The following ITGB1 variants were observed in gnomAD, a reference collection of about 807,000 sequenced individuals.
The protein encoded by ITGB1 is integrin subunit beta 1.
A neutral mutation model predicts 86.5 loss-of-function variants in ITGB1; 24 were observed. The ratio of observed to expected loss-of-function variants is 0.28; its 90% CI spans 0.20 to 0.39. The LOEUF (loss-of-function observed/expected upper bound fraction) is 0.39, where lower values mean the gene tolerates loss of function less well. Among genes scored for constraint, ITGB1 ranks in the 10% least tolerant of loss-of-function variants. The pLI, the probability that ITGB1 is intolerant of heterozygous loss-of-function variation, is 1.00. For missense variants in ITGB1, 556 were observed against 946.9 expected, an observed-to-expected ratio of 0.59 and a Z score of 5.42; for synonymous variants, 323 against 316.8, an observed-to-expected ratio of 1.02 and a Z score of -0.21.
In ITGB1 at chr10:32,922,268, C is replaced by A; in HGVS notation, c.1117G>T (p.Asp373Tyr). 1 of 1,594,090 alleles carries A rather than the reference C, an allele frequency of 6.3e-7. No individual in the cohort carries two copies. Among genetic ancestry groups the A allele is most frequent in the South Asian group, 1.1e-5 (1 of 90,028 alleles). The change falls in exon 9 of 16, where the codon GAT becomes TAT. Residue 373 changes from aspartate (D) to tyrosine (Y), a missense_variant. Transcript: ENST00000302278. ...TAAGATGTACTCACATTGTATGCATCAATGATCAACTGAATTACATTGCTA... is the reference window on the plus strand; with the variant it reads ...TAAGATGTACTCACATTGTATGCATAAATGATCAACTGAATTACATTGCTA... ...NSSNVIQLII[D>Y]AYNSLSSEVI...
At chr10:32,928,989 G>A (rs1308751318) in intron 4 of ITGB1, among the ~76,000 whole-genome samples, 1 of 152,064 alleles carries the variant, frequency 6.6e-6, no homozygotes, top group Non-Finnish European at 1.5e-5. Flanking sequence ...TGGAGCTCAA[G>A]AAAAGTCTGT....
chr10:32,931,463 G>GT (rs1215830561), intron 3 of ITGB1, among the ~76,000 whole-genome samples: 8 of 152,144 alleles, frequency 5.3e-5, no homozygotes, highest in Non-Finnish European at 8.8e-5. Flanking sequence ...TCTAATTATT[G>GT]TAACAATAGA....
chr10:32,949,299 C>A (rs1253557975), intron 1 of ITGB1, among the ~76,000 whole-genome samples: 2 of 152,148 alleles, frequency 1.3e-5, no homozygotes, highest in African/African-American at 4.8e-5. Flanking sequence ...GGAATTGAAA[C>A]CTGACCATCT....
At chr10:32,922,383 C>T (rs200980608) in intron 8 of ITGB1, 37 bp from the exon 9 acceptor site, 28 of 1,373,826 alleles carry the variant, frequency 2.0e-5, no homozygotes, top group Non-Finnish European at 2.9e-5. Context: ...AATACAACTG[C>T]TATTCATTCA....
intron 1 of ITGB1, chr10:32,944,444 G>C (rs1448436689): frequency 1.2e-5 from 4 of 330,430 alleles, no homozygotes; most frequent in African/African-American, 8.7e-5. Flanking sequence ...CCTGGGCTAG[G>C]CAACAGCACT....
At chr10:32,956,443 C>G (rs1329630476) in intron 1 of ITGB1, among the ~76,000 whole-genome samples, 1 of 151,534 alleles carries the variant, frequency 6.6e-6, no homozygotes, top group East Asian at 1.9e-4. Flanking sequence ...TTCAGGGGCT[C>G]ACGCCTGTAA....
At chr10:32,910,681 C>T (rs1488847994) in intron 13 of ITGB1, among the ~76,000 whole-genome samples, 2 of 152,012 alleles carry the variant, frequency 1.3e-5, no homozygotes, top group African/African-American at 4.8e-5. Flanking sequence ...CAAATTAAAA[C>T]CCTATTAAGA....
At chr10:32,934,817 C>G (rs529178314) in intron 2 of ITGB1, among the ~76,000 whole-genome samples, 1 of 152,122 alleles carries the variant, frequency 6.6e-6, no homozygotes, top group African/African-American at 2.4e-5. Context: ...TGTTCTGACA[C>G]AGAATGTTTT....
At chr10:32,913,050 G>C (rs1225955144) in intron 11 of ITGB1, among the ~76,000 whole-genome samples, 4 of 152,148 alleles carry the variant, frequency 2.6e-5, no homozygotes, top group South Asian at 4.1e-4. Flanking sequence ...AGGCAAACAG[G>C]GTCTGGAGTG....
intron 15 of ITGB1, among the ~76,000 whole-genome samples, chr10:32,904,003 CAA>C (rs5784309): frequency 1.6e-4 from 15 of 93,782 alleles, no homozygotes; most frequent in Admixed American, 3.0e-4. Flanking sequence ...AAGGGAAGGA[CAA>C]AAAAAAAAAA....
At chr10:32,944,478 T>C (rs1014189852) in intron 1 of ITGB1, 1 of 372,808 alleles carries the variant, frequency 2.7e-6, no homozygotes, top group Non-Finnish European at 5.2e-6. Flanking sequence ...CACCAAACAC[T>C]GTGAAGCACC....
chr10:32,917,378 A>C (rs2094935194), intron 11 of ITGB1, among the ~76,000 whole-genome samples: 1 of 152,238 alleles, frequency 6.6e-6, no homozygotes, highest in South Asian at 2.1e-4. Flanking sequence ...TGCACAGCAA[A>C]AGAAACTGCC....
rs141652854 is a variant in ITGB1 at position 32,906,276 on chromosome 10, T to A, written c.2331+2092A>T. 7.1e-3 allele frequency among the ~76,000 whole-genome samples: 1,074 copies of A among 152,282 alleles called. 13 individuals are homozygous for A. Among genetic ancestry groups the A allele is most frequent in the African/African-American group, 0.025 (1,025 of 41,556 alleles). On this transcript the variant is annotated intron_variant, in intron 15 of 15. Transcript: ENST00000302278. ...TTCACTATCCAACCCTAAAATTTACTCATAACAAATTTGTTATTTAAGGAT... is the reference window on the plus strand; with the variant it reads ...TTCACTATCCAACCCTAAAATTTACACATAACAAATTTGTTATTTAAGGAT...
intron 15 of ITGB1, among the ~76,000 whole-genome samples, chr10:32,906,093 A>G (rs191460285): frequency 6.6e-6 from 1 of 152,152 alleles, no homozygotes; most frequent in African/African-American, 2.4e-5. Flanking sequence ...ATACATACAT[A>G]TATATGGTCT....
chr10:32,903,766 T>C (rs182301284), intron 15 of ITGB1, among the ~76,000 whole-genome samples: 2 of 152,278 alleles, frequency 1.3e-5, no homozygotes, highest in East Asian at 3.9e-4. Context: ...ATTATACAGC[T>C]GTGAGAGCAG....
intron 15 of ITGB1, among the ~76,000 whole-genome samples, chr10:32,904,200 C>T (rs2137153078): frequency 6.6e-6 from 1 of 152,240 alleles, no homozygotes; most frequent in Non-Finnish European, 1.5e-5. Context: ...AGCTCACTAT[C>T]TGTATTAGGC....
rs201866476 is a variant in ITGB1 at position 32,910,369 on chromosome 10, A to C, written c.2018T>G (p.Val673Gly). 2 of 1,600,726 alleles carry C rather than the reference A, an allele frequency of 1.2e-6. No individual in the cohort carries two copies. Among genetic ancestry groups the C allele is most frequent in the Non-Finnish European group, 1.7e-6 (2 of 1,167,996 alleles). Reference protein sequence around the residue: ...QECSYFNITKVESRDKLPQPV... With the variant: ...QECSYFNITKGESRDKLPQPV... ...CTGGGGTAATTTGTCCCGACTTTCT[A>C]CCTTGGTAATGTTAAAATAGGAACA... Residue 673 changes from valine (V) to glycine (G), a missense_variant, in exon 14 of 16, where the codon GTA (valine) becomes GGA (glycine). By Grantham distance (109) the Val-to-Gly change is moderately radical. Transcript: ENST00000302278.
chr10:32,911,369 T>C, intron 13 of ITGB1, 79 bp downstream of exon 13: 1 of 1,218,228 alleles, frequency 8.2e-7, no homozygotes, highest in Non-Finnish European at 1.2e-6. Context: ...ATTGGCACTG[T>C]TCTGGTTCTA....
chr10:32,912,244 G>T (rs1232795467), intron 11 of ITGB1, 120 bp from the exon 12 acceptor site: 1 of 766,474 alleles, frequency 1.3e-6, no homozygotes, highest in Non-Finnish European at 2.1e-6. Context: ...CAGAAGACAG[G>T]TGGTTTCTGC....
Sources: allele counts gnomAD v4.1 joint callset (sites outside exome capture counted in the v4.1 genomes callset), GRCh38; gene constraint gnomAD v4.1.1; transcripts MANE v1.5; gene names NCBI Gene and HGNC (gene_info 2026-07-23, HGNC 2026-07-21).